Variants in COL23A1 observed in about 807,000 individuals in gnomAD.
The protein encoded by COL23A1 is collagen alpha-1(XXIII) chain.
In COL23A1, 97 loss-of-function variants were observed where a neutral mutation model predicts 99.3. That is an observed-to-expected ratio of 0.98 (90% CI 0.83 to 1.16). The LOEUF (loss-of-function observed/expected upper bound fraction) is 1.16. Ranked by LOEUF, COL23A1 falls within the 50% of genes most tolerant of loss-of-function variation. COL23A1 has a pLI of 0.00. For synonymous variants in COL23A1, 320 were observed against 308.2 expected (o/e 1.04, Z -0.40); for missense variants, 762 against 757.4 (o/e 1.01, Z -0.07).
At chr5:178,522,976 C>G (rs1760035508) in intron 2 of COL23A1, among the ~76,000 whole-genome samples, 1 of 151,390 alleles carries the variant, frequency 6.6e-6, no homozygotes, top group African/African-American at 2.4e-5. Flanking sequence ...TTTCTCTGGC[C>G]CAGCCTCCCA....
At chr5:178,249,985 GCACACACA>G in intron 18 of COL23A1, 68 bp downstream of exon 18, 10 of 1,306,994 alleles carry the variant, frequency 7.7e-6, no homozygotes, top group East Asian at 2.5e-5. Context: ...ACATGCACAC[GCACACACA>G]CACACACACA....
At chr5:178,341,041 C>T (rs78533267) in intron 2 of COL23A1, among the ~76,000 whole-genome samples, 1 of 152,198 alleles carries the variant, frequency 6.6e-6, no homozygotes, top group African/African-American at 2.4e-5. Flanking sequence ...ATTGGGCTGA[C>T]CTTTTGTGGG....
chr5:178,523,199 T>TAGAGAGAGAG (rs1269636962), intron 2 of COL23A1, among the ~76,000 whole-genome samples: 82 of 75,966 alleles, frequency 1.1e-3, no homozygotes, highest in Non-Finnish European at 1.5e-3. Flanking sequence ...TATATATATA[T>TAGAGAGAGAG]ATAGAGAGAG....
intron 2 of COL23A1, among the ~76,000 whole-genome samples, chr5:178,381,215 T>C (rs1763364595): frequency 6.6e-6 from 1 of 152,078 alleles, no homozygotes; most frequent in Non-Finnish European, 1.5e-5. Context: ...CTTACAAAGG[T>C]CCCTTCGGAC....
chr5:178,430,871 C>A (rs1766223767), intron 2 of COL23A1, among the ~76,000 whole-genome samples: 1 of 152,030 alleles, frequency 6.6e-6, no homozygotes, highest in Non-Finnish European at 1.5e-5. Context: ...GTAGGTGAGT[C>A]CCTACCTGGG....
chr5:178,518,696 C>G (rs1161148070), intron 2 of COL23A1, among the ~76,000 whole-genome samples: 6 of 141,878 alleles, frequency 4.2e-5, no homozygotes, highest in African/African-American at 1.3e-4. Context: ...ACATCCCAGA[C>G]GATGGGCGGC....
intron 3 of COL23A1, among the ~76,000 whole-genome samples, chr5:178,301,385 T>C (rs572973047): frequency 6.6e-6 from 1 of 152,368 alleles, no homozygotes; most frequent in Non-Finnish European, 1.5e-5. Context: ...TTTTTGAACA[T>C]ATTTATAATA....
chr5:178,506,358 G>A (rs544546054), intron 2 of COL23A1, among the ~76,000 whole-genome samples: 2 of 152,186 alleles, frequency 1.3e-5, no homozygotes, highest in Admixed American at 6.5e-5. Context: ...CAGCTGGTGC[G>A]TGCACTCCAG....
intron 2 of COL23A1, among the ~76,000 whole-genome samples, chr5:178,445,344 G>A (rs138565617): frequency 1.1e-4 from 17 of 152,132 alleles, no homozygotes; most frequent in African/African-American, 4.1e-4. Context: ...GGTAACATCT[G>A]TTTTCACTAT....
At chr5:178,369,745 G>T (rs56323836) in intron 2 of COL23A1, among the ~76,000 whole-genome samples, 1 of 151,874 alleles carries the variant, frequency 6.6e-6, no homozygotes, top group Non-Finnish European at 1.5e-5. Context: ...TGATTGTAAG[G>T]CCCCCCCAGC....
intron 2 of COL23A1, among the ~76,000 whole-genome samples, chr5:178,502,389 C>G (rs1418273977): frequency 6.6e-6 from 1 of 152,202 alleles, no homozygotes; most frequent in African/African-American, 2.4e-5. Context: ...CCTCGGCCTC[C>G]CAAAGTGCTG....
intron 2 of COL23A1, among the ~76,000 whole-genome samples, chr5:178,318,916 A>AC (rs60344157): frequency 6.6e-6 from 1 of 150,552 alleles, no homozygotes; most frequent in Non-Finnish European, 1.5e-5. Context: ...AAAAAAAAAA[A>AC]GGAAAGGGGC....
chr5:178,548,955 C>T (rs902887659), intron 2 of COL23A1, among the ~76,000 whole-genome samples: 2 of 152,190 alleles, frequency 1.3e-5, no homozygotes, highest in East Asian at 1.9e-4. Context: ...ATTGTAGAAA[C>T]GACAGTCACA....
intron 2 of COL23A1, among the ~76,000 whole-genome samples, chr5:178,440,564 T>G (rs1349452464): frequency 3.3e-5 from 5 of 152,130 alleles, no homozygotes; most frequent in Non-Finnish European, 1.5e-5. Context: ...GAAAAGAGAA[T>G]GCGGTGTATA....
intron 2 of COL23A1, among the ~76,000 whole-genome samples, chr5:178,446,620 A>G (rs544401397): frequency 3.9e-5 from 6 of 152,250 alleles, no homozygotes; most frequent in Non-Finnish European, 8.8e-5. Context: ...CATAGATACT[A>G]TGAAGTCTGA....
chr5:178,367,395 G>A (rs1270682972), intron 2 of COL23A1, among the ~76,000 whole-genome samples: 1 of 152,184 alleles, frequency 6.6e-6, no homozygotes, highest in Non-Finnish European at 1.5e-5. Flanking sequence ...AAGGTCCCAT[G>A]GAAGGTGGAG....
intron 2 of COL23A1, among the ~76,000 whole-genome samples, chr5:178,421,139 A>G (rs1452082852): frequency 6.6e-6 from 1 of 152,194 alleles, no homozygotes; most frequent in African/African-American, 2.4e-5. Flanking sequence ...AAAAGTTCCC[A>G]CAGTGTAACC....
Position 178,367,858 on chromosome 5 carries a change from C to T in COL23A1, c.362-60939G>A, listed in dbSNP as rs188279094. On this transcript the variant is annotated intron_variant, in intron 2 of 28. Transcript: ENST00000390654. ...AGGTACGGGCTGCCACCCTTCAGGC[C>T]GTGGCCTGGGTCAGGCGCTGTGGAG... Among the ~76,000 whole-genome samples, 259 of 152,338 alleles carry T rather than the reference C, an allele frequency of 1.7e-3. 1 individual carries two copies. Among genetic ancestry groups the T allele is most frequent in the African/African-American group, 5.7e-3 (236 of 41,582 alleles).
chr5:178,578,546 A>C (rs550669689), intron 1 of COL23A1, among the ~76,000 whole-genome samples: 5 of 152,278 alleles, frequency 3.3e-5, no homozygotes, highest in Admixed American at 3.3e-4. Flanking sequence ...GATTTTATTT[A>C]AACTGTCTTT....
Sources: gnomAD v4.1 joint callset for allele counts (sites outside exome capture counted in the v4.1 genomes callset) on GRCh38, gnomAD v4.1.1 for gene constraint, MANE v1.5 for transcripts, NCBI Gene and HGNC (gene_info 2026-07-23, HGNC 2026-07-21) for gene names.